Variants in DPY19L2 observed in about 807,000 individuals in gnomAD.
DPY19L2 encodes dpy-19 like 2.
In DPY19L2, 34 loss-of-function variants were observed where a neutral mutation model predicts 97.9. That is an observed-to-expected ratio of 0.35 (90% CI 0.26 to 0.46). DPY19L2 has a LOEUF of 0.46. Among genes scored for constraint, DPY19L2 ranks in the 20% least tolerant of loss-of-function variants. DPY19L2 has a pLI of 1.00. For synonymous variants in DPY19L2, 230 were observed against 307.9 expected (o/e 0.75, Z 2.65); for missense variants, 623 against 911.4 (o/e 0.68, Z 4.07).
chr12:63,633,703 C>T (rs974679009), intron 6 of DPY19L2, among the ~76,000 whole-genome samples: 1 of 152,070 alleles, frequency 6.6e-6, no homozygotes, highest in African/African-American at 2.4e-5. Context: ...ACCCAGCCAT[C>T]CCATTACTGG....
At chr12:63,666,148 C>A (rs565640764) in intron 1 of DPY19L2, among the ~76,000 whole-genome samples, 67 of 151,960 alleles carry the variant, frequency 4.4e-4, no homozygotes, top group African/African-American at 1.5e-3. Context: ...ATGATTGTGA[C>A]CTTTTTTGAT....
intron 19 of DPY19L2, among the ~76,000 whole-genome samples, chr12:63,576,795 A>G (rs1447784314): frequency 6.6e-6 from 1 of 152,006 alleles, no homozygotes; most frequent in Non-Finnish European, 1.5e-5. Context: ...AGAAGATACA[A>G]AAAATGGAAA....
chr12:63,635,600 A>C (rs1565813572), intron 6 of DPY19L2, among the ~76,000 whole-genome samples: 1 of 152,174 alleles, frequency 6.6e-6, no homozygotes, highest in East Asian at 1.9e-4. Flanking sequence ...AAATGACCTG[A>C]TGGAGGTGAA....
intron 6 of DPY19L2, among the ~76,000 whole-genome samples, chr12:63,633,689 T>A (rs1382382402): frequency 6.6e-6 from 1 of 152,138 alleles, no homozygotes; most frequent in Non-Finnish European, 1.5e-5. Context: ...AGAAATACCG[T>A]TTGACCCAGC....
chr12:63,599,783 G>T (rs886861610), intron 13 of DPY19L2, among the ~76,000 whole-genome samples: 2 of 152,100 alleles, frequency 1.3e-5, no homozygotes, highest in Non-Finnish European at 2.9e-5. Context: ...CTACATGAGA[G>T]ATAAATGCTC....
In DPY19L2 at chr12:63,600,389, A is replaced by G; in HGVS notation, c.1279-3T>C. On this transcript the variant is annotated splice_polypyrimidine_tract_variant and splice_region_variant and intron_variant, in intron 12 of 21. Coordinates refer to ENST00000324472, the MANE Select transcript of DPY19L2 (RefSeq NM_173812.5). ...CACCAGGCACTACCTTGAATTAGCTAGAAAATAAAATAGAAGTCCAGTATT... is the reference window on the plus strand; with the variant it reads ...CACCAGGCACTACCTTGAATTAGCTGGAAAATAAAATAGAAGTCCAGTATT... The G allele has an allele frequency of 6.4e-7, 1 of 1,566,920 alleles. No individual in the cohort carries two copies. Among genetic ancestry groups the G allele is most frequent in the South Asian group, 1.1e-5 (1 of 89,582 alleles).
intron 12 of DPY19L2, among the ~76,000 whole-genome samples, chr12:63,603,553 G>A (rs998805751): frequency 1.3e-5 from 2 of 152,038 alleles, no homozygotes; most frequent in African/African-American, 4.8e-5. Context: ...CCCAGTGTGT[G>A]TTGTTCCCCT....
chr12:63,658,261 G>A (rs1254071475), intron 4 of DPY19L2, among the ~76,000 whole-genome samples: 6 of 152,118 alleles, frequency 3.9e-5, no homozygotes, highest in Admixed American at 1.3e-4. Context: ...TTGGGAGGCC[G>A]AGGCAGGAGG....
intron 4 of DPY19L2, 149 bp downstream of exon 4, chr12:63,661,195 A>G: frequency 1.4e-6 from 1 of 711,282 alleles, no homozygotes; most frequent in Non-Finnish European, 2.1e-6. Context: ...TTAAGAGAGG[A>G]ACTTATGATA....
intron 11 of DPY19L2, among the ~76,000 whole-genome samples, chr12:63,612,860 A>G (rs1887240816): frequency 6.6e-6 from 1 of 152,074 alleles, no homozygotes; most frequent in Non-Finnish European, 1.5e-5. Flanking sequence ...GATACTATAG[A>G]TACATAAAAG....
intron 19 of DPY19L2, among the ~76,000 whole-genome samples, chr12:63,571,527 G>A (rs1308720063): frequency 6.6e-6 from 1 of 152,170 alleles, no homozygotes; most frequent in East Asian, 1.9e-4. Context: ...CTGAGAGACT[G>A]CTATGAAGGG....
intron 21 of DPY19L2, among the ~76,000 whole-genome samples, chr12:63,561,015 A>G (rs1245860466): frequency 6.6e-6 from 1 of 152,164 alleles, no homozygotes; most frequent in East Asian, 1.9e-4. Flanking sequence ...GTAAAATAAG[A>G]CAAATTAAAA....
rs780499428 is a variant in DPY19L2 at position 63,663,746 on chromosome 12, A to G, written c.450+12T>C. On this transcript the variant is annotated intron_variant, in intron 3 of 21. Coordinates refer to ENST00000324472, the MANE Select transcript of DPY19L2 (RefSeq NM_173812.5). ...AAACCACAAATTAATTCATTAGAAG[A>G]AGAAACCTAACCATTTCAGTGCGAA... 6.3e-7 allele frequency: 1 copy of G among 1,592,456 alleles called. No homozygotes were observed. The highest frequency in any genetic ancestry group is 1.2e-5 in the South Asian group (1 of 86,100).
intron 5 of DPY19L2, among the ~76,000 whole-genome samples, 190 bp from the exon 6 acceptor site, chr12:63,644,686 ATATG>A (rs1202836491): frequency 6.6e-6 from 1 of 152,016 alleles, no homozygotes; most frequent in Non-Finnish European, 1.5e-5. Flanking sequence ...AGACACATAT[ATATG>A]TATGTGTGTA....
At chr12:63,590,258 T>C (rs1882668202) in intron 16 of DPY19L2, among the ~76,000 whole-genome samples, 1 of 152,130 alleles carries the variant, frequency 6.6e-6, no homozygotes, top group African/African-American at 2.4e-5. Context: ...ATGAATTGTT[T>C]TTACCTATCA....
chr12:63,601,351 T>G (rs995772699), intron 12 of DPY19L2, among the ~76,000 whole-genome samples: 18 of 134,208 alleles, frequency 1.3e-4, no homozygotes, highest in African/African-American at 4.6e-4. Flanking sequence ...TGTTGTTGTT[T>G]ATTTTTTGAC....
At chr12:63,605,859 A>C (rs1885954835) in intron 12 of DPY19L2, among the ~76,000 whole-genome samples, 1 of 152,184 alleles carries the variant, frequency 6.6e-6, no homozygotes, top group African/African-American at 2.4e-5. Context: ...GTGACCTTTA[A>C]GACAATCTTG....
At chr12:63,560,953 A>G (rs1237997472) in intron 21 of DPY19L2, among the ~76,000 whole-genome samples, 2 of 152,220 alleles carry the variant, frequency 1.3e-5, no homozygotes, top group African/African-American at 2.4e-5. Flanking sequence ...TGAAACAAAC[A>G]TAAATATACT....
chr12:63,597,267 G>A (rs1458243349), intron 14 of DPY19L2, among the ~76,000 whole-genome samples: 4 of 152,016 alleles, frequency 2.6e-5, no homozygotes, highest in South Asian at 2.1e-4. Context: ...GAACCACCAC[G>A]CCCAGCCTAT....
Sources: allele counts gnomAD v4.1 joint callset (sites outside exome capture counted in the v4.1 genomes callset), GRCh38; gene constraint gnomAD v4.1.1; transcripts MANE v1.5; gene names NCBI Gene and HGNC (gene_info 2026-07-23, HGNC 2026-07-21).